MAP3K20: variants seen among roughly 807,000 people sequenced by gnomAD.
The protein encoded by MAP3K20 is mitogen-activated protein kinase kinase kinase 20.
Under a neutral mutation model 85.7 loss-of-function variants are expected in MAP3K20, and 40 were observed. The ratio of observed to expected loss-of-function variants is 0.47; its 90% CI spans 0.36 to 0.61. MAP3K20 has a LOEUF of 0.61. MAP3K20 is among the 20% of genes least tolerant of loss of function. The probability of loss-of-function intolerance (pLI) is 0.00; values close to 1 mark genes in which losing one functional copy is unlikely to be tolerated. For missense variants in MAP3K20, 817 were observed against 961.7 expected (o/e 0.85, Z 1.99); for synonymous variants, 325 against 327.7 (o/e 0.99, Z 0.09).
Position 173,232,232 on chromosome 2 carries a change from A to G in MAP3K20, c.1063+10A>G. On this transcript the variant is annotated intron_variant, in intron 13 of 19. Coordinates refer to ENST00000375213, the MANE Select transcript of MAP3K20 (RefSeq NM_016653.3). ...CAGCTCGTCAGAAAAGGCAAGTGGA[A>G]TAAGTTACCTTCTTCAATCATGGAG... is the stretch of plus-strand genomic sequence containing the variant. The G allele has an allele frequency of 1.2e-6, 2 of 1,614,244 alleles. No homozygotes were observed. The highest frequency in any genetic ancestry group is 1.7e-6 in the Non-Finnish European group (2 of 1,180,038).
chr2:173,154,713 G>A (rs978665845), intron 2 of MAP3K20, among the ~76,000 whole-genome samples: 1 of 152,010 alleles, frequency 6.6e-6, no homozygotes, highest in African/African-American at 2.4e-5. Context: ...GTTTTAATTC[G>A]TATCAATATA....
At chr2:173,166,606 C>CA (rs1193865398) in intron 2 of MAP3K20, 1 of 146,390 alleles carries the variant, frequency 6.8e-6, no homozygotes, top group Non-Finnish European at 1.5e-5. Context: ...TTCAATTAAA[C>CA]AAAAATAAAA....
At chr2:173,226,360 T>C (rs11887008) in intron 11 of MAP3K20, 781,800 of 984,926 alleles carry the variant, frequency 0.79, 310,695 homozygotes, top group East Asian at 0.91. Flanking sequence ...CTAGACTTAT[T>C]GCAGCCTTTT....
chr2:173,173,140 C>T (rs1260269704), intron 3 of MAP3K20, among the ~76,000 whole-genome samples: 1 of 145,078 alleles, frequency 6.9e-6, no homozygotes, highest in African/African-American at 2.6e-5. Flanking sequence ...TGTACTACTC[C>T]CATTCTTTTA....
intron 4 of MAP3K20, among the ~76,000 whole-genome samples, chr2:173,185,025 T>A (rs1228437021): frequency 1.3e-5 from 2 of 152,146 alleles, no homozygotes; most frequent in African/African-American, 4.8e-5. Context: ...GTGGATCACC[T>A]GAGGCCAGGA....
intron 2 of MAP3K20, among the ~76,000 whole-genome samples, chr2:173,139,712 G>T (rs183031949): frequency 0.013 from 2,015 of 152,086 alleles, 25 homozygotes; most frequent in Middle Eastern, 0.024. Context: ...AATGACCAGT[G>T]CTTACTTAAG....
chr2:173,232,639 G>T (rs1486446675), intron 14 of MAP3K20, among the ~76,000 whole-genome samples, 180 bp downstream of exon 14: 1 of 152,206 alleles, frequency 6.6e-6, no homozygotes, highest in Admixed American at 6.5e-5. Flanking sequence ...AAGTAGCTGG[G>T]ATTACAGAAG....
intron 11 of MAP3K20, among the ~76,000 whole-genome samples, chr2:173,218,336 TTTA>T (rs1684137273): frequency 6.6e-6 from 1 of 152,214 alleles, no homozygotes; most frequent in South Asian, 2.1e-4. Flanking sequence ...AAGCTAAATG[TTTA>T]TTATCAGATT....
chr2:173,130,476 CAT>C (rs1382009908), intron 2 of MAP3K20, among the ~76,000 whole-genome samples: 2 of 152,160 alleles, frequency 1.3e-5, no homozygotes, highest in Non-Finnish European at 2.9e-5. Context: ...CAGGGATACT[CAT>C]ATTTTTATCC....
At chr2:173,222,741 C>A (rs1169109197) in intron 11 of MAP3K20, 22 of 985,264 alleles carry the variant, frequency 2.2e-5, no homozygotes, top group Non-Finnish European at 1.2e-6. Flanking sequence ...GTTTAGCCTA[C>A]CAGGGTTGTT....
At chr2:173,096,650 T>C (rs1687471291) in intron 2 of MAP3K20, among the ~76,000 whole-genome samples, 1 of 152,218 alleles carries the variant, frequency 6.6e-6, no homozygotes, top group South Asian at 2.1e-4. Context: ...TCTAGTGAAT[T>C]GAGTTTTGTA....
At chr2:173,131,192 A>C (rs969714026) in intron 2 of MAP3K20, among the ~76,000 whole-genome samples, 1 of 152,218 alleles carries the variant, frequency 6.6e-6, no homozygotes, top group African/African-American at 2.4e-5. Flanking sequence ...TTTACCCACT[A>C]GAGGGGATAG....
At chr2:173,176,151 GTTAAGACACCAA>G (rs1690145844) in intron 3 of MAP3K20, among the ~76,000 whole-genome samples, 1 of 152,034 alleles carries the variant, frequency 6.6e-6, no homozygotes, top group South Asian at 2.1e-4. Flanking sequence ...AGAAATAATA[GTTAAGACACCAA>G]TTTAATTTCA....
intron 4 of MAP3K20, among the ~76,000 whole-genome samples, chr2:173,183,258 C>T (rs1358471512): frequency 6.6e-6 from 1 of 152,116 alleles, no homozygotes; most frequent in Non-Finnish European, 1.5e-5. Flanking sequence ...GCTTGCTTGA[C>T]ACATTAAATG....
At chr2:173,154,116 T>C (rs1224304804) in intron 2 of MAP3K20, among the ~76,000 whole-genome samples, 2 of 151,946 alleles carry the variant, frequency 1.3e-5, no homozygotes, top group Non-Finnish European at 2.9e-5. Flanking sequence ...CTACACCACA[T>C]TCTAGCCAAA....
chr2:173,144,389 G>T (rs1304548453), intron 2 of MAP3K20, among the ~76,000 whole-genome samples: 2 of 150,574 alleles, frequency 1.3e-5, no homozygotes, highest in African/African-American at 4.9e-5. Context: ...TGTGAACCTG[G>T]GAGGCGGAGC....
chr2:173,139,616 A>G (rs3769186), intron 2 of MAP3K20, among the ~76,000 whole-genome samples: 3,208 of 152,308 alleles, frequency 0.021, 58 homozygotes, highest in Admixed American at 0.041. Flanking sequence ...TATAAGTAAA[A>G]TAACTTCATT....
chr2:173,123,601 A>G (rs1386750836), intron 2 of MAP3K20, among the ~76,000 whole-genome samples: 1 of 152,218 alleles, frequency 6.6e-6, no homozygotes, highest in Non-Finnish European at 1.5e-5. Flanking sequence ...TCCATGGTCA[A>G]GGGAACCTCA....
chr2:173,099,523 C>T (rs939315428), intron 2 of MAP3K20, among the ~76,000 whole-genome samples: 3 of 152,008 alleles, frequency 2.0e-5, no homozygotes, highest in Admixed American at 6.6e-5. Flanking sequence ...GACAGGATCT[C>T]TCCACTCCTG....
Sources: gnomAD v4.1 joint callset for allele counts (sites outside exome capture counted in the v4.1 genomes callset) on GRCh38, gnomAD v4.1.1 for gene constraint, MANE v1.5 for transcripts, NCBI Gene and HGNC (gene_info 2026-07-23, HGNC 2026-07-21) for gene names.